The following POLR3F variants were observed in gnomAD, a reference collection of about 807,000 sequenced individuals.
POLR3F encodes RNA polymerase III subunit F.
In POLR3F, 31 loss-of-function variants were observed where a neutral mutation model predicts 43.6. The observed-to-expected ratio is 0.71, with a 90% CI of 0.53 to 0.96. POLR3F has a LOEUF of 0.96. POLR3F is among the 40% of genes least tolerant of loss of function. POLR3F has a pLI of 0.00. For synonymous variants in POLR3F, 114 were observed against 132.5 expected, an observed-to-expected ratio of 0.86 and a Z score of 0.96; for missense variants, 316 against 391.7, an observed-to-expected ratio of 0.81 and a Z score of 1.63.
At position 18,475,183 on chromosome 20, in the gene POLR3F, T is replaced by TAGC. The variant is rs1183042549; in HGVS notation, c.428_429+1dup. ...AAGCTTATCAAAGCTGTTAAGTCTGTAGCAGTGAGTAGTCCTTTCCTCAGA... is the reference window on the plus strand; with the variant it reads ...AAGCTTATCAAAGCTGTTAAGTCTGTAGCAGCAGTGAGTAGTCCTTTCCTCAGA... On this transcript the variant is annotated inframe_insertion, in exon 5 of 9. Transcript: ENST00000377603. 8.5e-7 allele frequency: 1 copy of TAGC among 1,176,030 alleles called. No homozygotes were observed. Among genetic ancestry groups the TAGC allele is most frequent in the Non-Finnish European group, 1.3e-6 (1 of 787,628 alleles). The allele number at this position is 1,176,030 out of a possible 1,614,324, so 72.8% of individuals were successfully genotyped here.
chr20:18,473,476 G>A lies in POLR3F; in HGVS notation c.316+18G>A. 1 of 1,305,174 alleles carries A rather than the reference G, an allele frequency of 7.7e-7. No homozygotes were observed. The highest frequency in any genetic ancestry group is 1.5e-5 in the African/African-American group (1 of 68,710). The allele number at this position is 1,305,174 out of a possible 1,614,324, so 80.8% of individuals were successfully genotyped here. A position where few individuals can be genotyped will look rare whatever the true frequency, so the allele number is the denominator to read the frequency against. ...AAATAAAGGTAAGCATGTGAAAGATGAAGCAGAAAAAAACATTGTCTTTGG... is the reference window on the plus strand; with the variant it reads ...AAATAAAGGTAAGCATGTGAAAGATAAAGCAGAAAAAAACATTGTCTTTGG... On this transcript the variant is annotated intron_variant, in intron 4 of 8. Transcript: ENST00000377603.
intron 5 of POLR3F, among the ~76,000 whole-genome samples, chr20:18,479,575 TTCCA>T (rs1319143545): frequency 6.6e-6 from 1 of 152,202 alleles, no homozygotes; most frequent in African/African-American, 2.4e-5. Context: ...AGTGAAAAGC[TTCCA>T]ATGCCCAAAG....
At chr20:18,475,901 T>C (rs2059777419) in intron 5 of POLR3F, among the ~76,000 whole-genome samples, 1 of 152,234 alleles carries the variant, frequency 6.6e-6, no homozygotes, top group African/African-American at 2.4e-5. Flanking sequence ...ACATCACTTA[T>C]AAGAATTTGA....
intron 2 of POLR3F, among the ~76,000 whole-genome samples, chr20:18,471,900 T>C (rs1316687983): frequency 6.6e-6 from 1 of 152,226 alleles, no homozygotes; most frequent in African/African-American, 2.4e-5. Context: ...GAGAATCGCA[T>C]GAACCCGGGA....
At chr20:18,478,368 A>G (rs1264310687) in intron 5 of POLR3F, among the ~76,000 whole-genome samples, 1 of 152,104 alleles carries the variant, frequency 6.6e-6, no homozygotes, top group African/African-American at 2.4e-5. Flanking sequence ...GGCACGTGCC[A>G]CCATGCTCAG....
intron 5 of POLR3F, among the ~76,000 whole-genome samples, chr20:18,479,777 G>C (rs956283451): frequency 6.6e-6 from 1 of 152,140 alleles, no homozygotes; most frequent in Non-Finnish European, 1.5e-5. Flanking sequence ...AGCAGAAAAG[G>C]AACATTAGGA....
At chr20:18,475,736 A>G (rs1354686295) in intron 5 of POLR3F, among the ~76,000 whole-genome samples, 4 of 152,224 alleles carry the variant, frequency 2.6e-5, no homozygotes, top group Non-Finnish European at 5.9e-5. Flanking sequence ...GTTTGCTTCA[A>G]TACACATTTC....
intron 5 of POLR3F, among the ~76,000 whole-genome samples, chr20:18,477,992 T>C (rs1029526167): frequency 1.3e-5 from 2 of 152,320 alleles, no homozygotes; most frequent in East Asian, 3.9e-4. Flanking sequence ...ATTGGACTGA[T>C]GTCATGTGGC....
chr20:18,475,346 G>C (rs897081263), intron 5 of POLR3F, among the ~76,000 whole-genome samples, 159 bp downstream of exon 5: 1 of 152,164 alleles, frequency 6.6e-6, no homozygotes, highest in Non-Finnish European at 1.5e-5. Flanking sequence ...TCCCTACACA[G>C]TTAGCTCTTG....
At chr20:18,472,530 A>C (rs139571613) in intron 2 of POLR3F, among the ~76,000 whole-genome samples, 29 of 152,028 alleles carry the variant, frequency 1.9e-4, no homozygotes, top group African/African-American at 7.0e-4. Context: ...GAATATGCCT[A>C]TTTAGTCTTT....
chr20:18,476,801 C>T (rs896691792), intron 5 of POLR3F, among the ~76,000 whole-genome samples: 14 of 152,094 alleles, frequency 9.2e-5, no homozygotes, highest in African/African-American at 3.4e-4. Flanking sequence ...ACAAAGAACT[C>T]CTAAAATTCA....
intron 2 of POLR3F, among the ~76,000 whole-genome samples, chr20:18,471,512 A>G (rs1335817189): frequency 6.6e-6 from 1 of 152,218 alleles, no homozygotes; most frequent in Non-Finnish European, 1.5e-5. Context: ...AACACCTATC[A>G]TAACACCTGG....
intron 5 of POLR3F, among the ~76,000 whole-genome samples, chr20:18,477,952 C>A (rs1169974884): frequency 6.6e-6 from 1 of 152,184 alleles, no homozygotes; most frequent in Admixed American, 6.5e-5. Context: ...TGAGTGAATT[C>A]AATCTCCAGC....
chr20:18,472,753 GA>G, intron 2 of POLR3F, 88 bp from the exon 3 acceptor site: 1 of 649,752 alleles, frequency 1.5e-6, no homozygotes, highest in Non-Finnish European at 2.7e-6. Flanking sequence ...GAAAAATTAA[GA>G]ATGTTAAAGA....
intron 5 of POLR3F, among the ~76,000 whole-genome samples, chr20:18,477,872 A>G (rs948256779): frequency 6.6e-6 from 1 of 152,204 alleles, no homozygotes; most frequent in Admixed American, 6.5e-5. Flanking sequence ...AAGCCCACCC[A>G]AGCTTTGCTG....
intron 7 of POLR3F, 54 bp from the exon 8 acceptor site, chr20:18,481,565 A>G: frequency 8.3e-7 from 1 of 1,212,066 alleles, no homozygotes; most frequent in South Asian, 1.2e-5. Context: ...AACACCCTCC[A>G]AGTGGATGTC....
intron 4 of POLR3F, among the ~76,000 whole-genome samples, chr20:18,474,257 G>A (rs1042739627): frequency 8.6e-5 from 13 of 152,002 alleles, no homozygotes; most frequent in African/African-American, 3.1e-4. Context: ...GCTTTTAGCA[G>A]CCATAAGAAC....
At position 18,472,107 on chromosome 20, in the gene POLR3F, A is replaced by G. The variant is rs144023895; in HGVS notation, c.181-735A>G. Among the ~76,000 whole-genome samples the G allele has an allele frequency of 7.6e-3, 1,152 of 152,374 alleles. 7 individuals carry two copies. The highest frequency in any genetic ancestry group is 0.014 in the Middle Eastern group (4 of 294). ...TTCGGACCCAAGGAAATTCAGGAGC[A>G]TGACAGACATACTTTATTTTACTTT... On this transcript the variant is annotated intron_variant, in intron 2 of 8. Coordinates refer to ENST00000377603, the MANE Select transcript of POLR3F (RefSeq NM_006466.4).
In POLR3F at chr20:18,469,060, T is replaced by C. The variant is rs1383624172; in HGVS notation, c.179T>C (p.Met60Thr). 1 of 1,354,796 alleles carries C rather than the reference T, an allele frequency of 7.4e-7. No individual in the cohort carries two copies. The highest frequency in any genetic ancestry group is 1.1e-6 in the Non-Finnish European group (1 of 943,236). 83.9% of individuals were successfully genotyped at this position (1,354,796 alleles called of 1,614,324 possible). ...RAVAINRLLS[M>T]GQLDLLRSNT... ...GTAGCCATCAATAGGTTGTTGTCTA[T>C]GGTAAGGTGAATCTAACTATTTTGC... is the stretch of plus-strand genomic sequence containing the variant. Residue 60 changes from methionine to threonine, a missense_variant and splice_region_variant, in exon 2 of 9, where the codon ATG becomes ACG. Transcript: ENST00000377603.
Sources: gnomAD v4.1 joint callset for allele counts (sites outside exome capture counted in the v4.1 genomes callset) on GRCh38, gnomAD v4.1.1 for gene constraint, MANE v1.5 for transcripts, NCBI Gene and HGNC (gene_info 2026-07-23, HGNC 2026-07-21) for gene names.